Variants in TFAP2E observed in about 807,000 individuals in gnomAD.
TFAP2E encodes the protein transcription factor AP-2-epsilon.
A neutral mutation model predicts 37.9 loss-of-function variants in TFAP2E; 30 were observed. That is an observed-to-expected ratio of 0.79 (90% confidence interval 0.59 to 1.07). The LOEUF is 1.07. Among genes scored for constraint, TFAP2E ranks in the 50% least tolerant of loss-of-function variants. TFAP2E has a pLI of 0.00. For missense variants in TFAP2E, 567 were observed against 637.9 expected (o/e 0.89, Z 1.20); for synonymous variants, 318 against 295.8 (o/e 1.08, Z -0.77).
At chr1:35,591,034 G>A (rs1463900158) in intron 6 of TFAP2E, among the ~76,000 whole-genome samples, 2 of 151,932 alleles carry the variant, frequency 1.3e-5, no homozygotes, top group East Asian at 1.9e-4. Context: ...CTGTGTACAC[G>A]AGCAGTGAGC....
intron 2 of TFAP2E, 200 bp downstream of exon 2, chr1:35,574,609 C>G: frequency 1.1e-6 from 1 of 934,654 alleles, no homozygotes; most frequent in Non-Finnish European, 1.5e-6. Flanking sequence ...AGTCCGCCAG[C>G]AGTGCGTGGG....
Position 35,577,010 on chromosome 1 carries a change from G to GCCAGCGGGACCCCAGCT in TFAP2E, c.562+2026_562+2027insTCCAGCGGGACCCCAGC. 9.7e-6 allele frequency among the ~76,000 whole-genome samples: 1 copy of GCCAGCGGGACCCCAGCT among 102,686 alleles called. No individual in the cohort carries two copies. The highest frequency in any genetic ancestry group is 1.9e-5 in the Non-Finnish European group (1 of 51,422). 67.4% of individuals were successfully genotyped at this position (102,686 alleles called of 152,430 possible). A position where few individuals can be genotyped will look rare whatever the true frequency, so the allele number is the denominator to read the frequency against. On this transcript the variant is annotated intron_variant, in intron 3 of 6. Transcript: ENST00000373235. This position sits in a 1 kb window ranked among gnomAD's most constrained non-coding sequence, Gnocchi z 6.3. ...ACCCCAGCGCCAGCGGGACCCCAGC[G>GCCAGCGGGACCCCAGCT]CCAGCGGGACCCCAGCGCCAGCGGG...
At chr1:35,587,609 GCC>G (rs981627694) in intron 3 of TFAP2E, among the ~76,000 whole-genome samples, 2 of 137,428 alleles carry the variant, frequency 1.5e-5, no homozygotes, top group African/African-American at 5.7e-5. Context: ...CTGCACTCCA[GCC>G]TGGTGACAGA....
At chr1:35,575,909 A>G (rs1392548518) in intron 3 of TFAP2E, among the ~76,000 whole-genome samples, 9 of 152,190 alleles carry the variant, frequency 5.9e-5, no homozygotes, top group Admixed American at 5.2e-4. Flanking sequence ...AGGACCAAGT[A>G]CTGGCCATGA....
chr1:35,579,019 T>C (rs1571099302), intron 3 of TFAP2E, among the ~76,000 whole-genome samples: 1 of 127,116 alleles, frequency 7.9e-6, no homozygotes, highest in Admixed American at 9.0e-5. Context: ...GAGGCAGAGG[T>C]TGCAGTGAGC....
chr1:35,583,747 GTC>G (rs1433652876), intron 3 of TFAP2E, among the ~76,000 whole-genome samples: 5 of 152,060 alleles, frequency 3.3e-5, no homozygotes, highest in Admixed American at 6.6e-5. Context: ...AAACTTTAGT[GTC>G]TCTGCTTTGC....
intron 6 of TFAP2E, among the ~76,000 whole-genome samples, chr1:35,594,124 TTGAA>T (rs1649762084): frequency 6.6e-6 from 1 of 152,144 alleles, no homozygotes; most frequent in African/African-American, 2.4e-5. Context: ...GAGCTGCACT[TTGAA>T]TGAATATGGG....
intron 3 of TFAP2E, among the ~76,000 whole-genome samples, chr1:35,583,497 T>G (rs1221742234): frequency 6.6e-6 from 1 of 151,980 alleles, no homozygotes; most frequent in African/African-American, 2.4e-5. Context: ...TCTTGGAGAG[T>G]CTGTTGCACA....
Position 35,590,537 on chromosome 1 carries a change from T to A in TFAP2E, c.905-97T>A, listed in dbSNP as rs1255543673. On this transcript the variant is annotated intron_variant, in intron 5 of 6. Coordinates refer to ENST00000373235, the MANE Select transcript of TFAP2E (RefSeq NM_178548.4). The surrounding 1 kb of genome is among the most constrained non-coding windows in gnomAD (Gnocchi z 6.2). ...AGAGGGGGCATCTACACAGGCAGGA[T>A]GGGGCAGGATACCCCTGACCAGGGG... The A allele has an allele frequency of 2.1e-5, 29 of 1,353,394 alleles. No homozygotes were observed. Among genetic ancestry groups the A allele is most frequent in the Non-Finnish European group, 2.6e-5 (27 of 1,031,408 alleles). The allele number at this position is 1,353,394 out of a possible 1,614,324, so 83.8% of individuals were successfully genotyped here. A position where few individuals can be genotyped will look rare whatever the true frequency, so the allele number is the denominator to read the frequency against.
chr1:35,589,936 G>A lies in TFAP2E; in HGVS notation c.792G>A (p.Lys264=), dbSNP rs202184937. 174 of 1,613,900 alleles carry A rather than the reference G, an allele frequency of 1.1e-4. No individual in the cohort carries two copies. The highest frequency in any genetic ancestry group is 1.4e-5 in the Non-Finnish European group (17 of 1,179,896). The part of the protein sequence containing the change: ...SLLGGVLRRA[K]SKNGGRCLRE... ...TGTCTCTGTGCATGTCAAGGGCCAA[G>A]TCCAAAAATGGGGGCCGGTGTTTGC... The change falls in exon 5 of 7, where the codon AAG becomes AAA. Residue 264 remains lysine, a synonymous_variant. Transcript: ENST00000373235.
intron 3 of TFAP2E, among the ~76,000 whole-genome samples, chr1:35,585,849 G>A (rs1485487177): frequency 6.6e-6 from 1 of 152,120 alleles, no homozygotes; most frequent in East Asian, 1.9e-4. Context: ...AGGAGTTCAA[G>A]ACCAGTCTGG....
chr1:35,580,774 CAA>C (rs879888617), intron 3 of TFAP2E, among the ~76,000 whole-genome samples: 6 of 135,840 alleles, frequency 4.4e-5, no homozygotes, highest in Non-Finnish European at 3.2e-5. Context: ...GACTCTGCCT[CAA>C]AAAAAAAAAA....
chr1:35,580,023 A>G (rs1054113293), intron 3 of TFAP2E, among the ~76,000 whole-genome samples: 3 of 147,370 alleles, frequency 2.0e-5, no homozygotes, highest in Non-Finnish European at 4.5e-5. Flanking sequence ...CCTGACCAAC[A>G]TGGTGAAATG....
chr1:35,580,146 G>T (rs1204813048), intron 3 of TFAP2E, among the ~76,000 whole-genome samples: 1 of 151,770 alleles, frequency 6.6e-6, no homozygotes, highest in Non-Finnish European at 1.5e-5. Context: ...GGAGGCGGAG[G>T]TTGCAGTGAG....
rs1649098295 is a variant in TFAP2E at position 35,574,216 on chromosome 1, C to T, written c.317C>T (p.Ala106Val). 1 of 1,222,170 alleles carries T rather than the reference C, an allele frequency of 8.2e-7. No homozygotes were observed. Among genetic ancestry groups the T allele is most frequent in the Non-Finnish European group, 1.0e-6 (1 of 979,066 alleles). The allele number at this position is 1,222,170 out of a possible 1,614,324, so 75.7% of individuals were successfully genotyped here. ...GCCGCCTGGGCCGCGCCCCGCGCAG[C>T]CGCCCGCGCCCACGAGGAGCCTCCC... The part of the protein sequence containing the change: ...PQAAWAAPRA[A>V]ARAHEEPPGL... The change falls in exon 2 of 7, where the codon GCC becomes GTC. Residue 106 changes from alanine to valine, a missense_variant. Ala to Val is a moderately conservative substitution (Grantham distance 64). Coordinates refer to ENST00000373235, the MANE Select transcript of TFAP2E (RefSeq NM_178548.4).
chr1:35,575,315 C>G (rs1649139283), intron 3 of TFAP2E, among the ~76,000 whole-genome samples: 1 of 152,252 alleles, frequency 6.6e-6, no homozygotes, highest in Non-Finnish European at 1.5e-5. Context: ...AACCACTTCC[C>G]TGTTTCCCTA....
chr1:35,582,742 C>G (rs1228156023), intron 3 of TFAP2E, among the ~76,000 whole-genome samples: 4 of 151,942 alleles, frequency 2.6e-5, no homozygotes, highest in African/African-American at 9.7e-5. Context: ...ACACTGCACC[C>G]TCGAACTCCT....
intron 6 of TFAP2E, among the ~76,000 whole-genome samples, chr1:35,593,016 G>A (rs1048087014): frequency 6.6e-6 from 1 of 152,124 alleles, no homozygotes; most frequent in Non-Finnish European, 1.5e-5. Flanking sequence ...TGCAAGAAAA[G>A]ACAGAGAGAG....
intron 3 of TFAP2E, among the ~76,000 whole-genome samples, chr1:35,578,244 G>A (rs1235938482): frequency 1.3e-5 from 2 of 152,096 alleles, no homozygotes; most frequent in Admixed American, 6.6e-5. Context: ...TCTCCCTGTG[G>A]AAAAGCCAGA....
Sources: gnomAD v4.1 joint callset for allele counts (sites outside exome capture counted in the v4.1 genomes callset) on GRCh38, gnomAD v4.1.1 for gene constraint, Gnocchi (gnomAD v3.1) non-coding constraint, MANE v1.5 for transcripts, NCBI Gene and HGNC (gene_info 2026-07-23, HGNC 2026-07-21) for gene names.